The following NBPF9 variants were observed in gnomAD, a reference collection of about 807,000 sequenced individuals.
NBPF9 encodes NBPF member 9.
In NBPF9, 91 loss-of-function variants were observed where a neutral mutation model predicts 97.8. That is an observed-to-expected ratio of 0.93 (90% CI 0.79 to 1.11). NBPF9 has a LOEUF of 1.11. Among genes scored for constraint, NBPF9 ranks in the 50% least tolerant of loss-of-function variants. The pLI, the probability that NBPF9 is intolerant of heterozygous loss-of-function variation, is 0.00. For missense variants in NBPF9, 992 were observed against 939.5 expected (o/e 1.06, Z -0.73); for synonymous variants, 334 against 359.5 (o/e 0.93, Z 0.80).
At chr1:149,055,328 T>C (rs1424389248) in exon 30 of NBPF9, 1 of 502,284 alleles carries the variant, frequency 2.0e-6, no homozygotes, top group Non-Finnish European at 3.5e-6. Flanking sequence ...CTTGAGCAGG[T>C]ATAGAAGCTC....
chr1:149,082,985 A>G (rs1439504540), intron 5 of NBPF9, among the ~76,000 whole-genome samples: 9 of 62,124 alleles, frequency 1.4e-4, no homozygotes, highest in Non-Finnish European at 1.9e-4. Flanking sequence ...TTTTTTTTGT[A>G]TTTTTAGTAG....
At chr1:149,055,577 A>T (rs1553648560) in exon 30 of NBPF9, 2 of 1,554,950 alleles carry the variant, frequency 1.3e-6, no homozygotes, top group Non-Finnish European at 8.7e-7. Flanking sequence ...TCCAAATGGA[A>T]CTGTACTTTC....
chr1:149,079,881 A>T (rs1575851519), intron 8 of NBPF9, among the ~76,000 whole-genome samples, 172 bp downstream of exon 8: 1 of 152,302 alleles, frequency 6.6e-6, no homozygotes, highest in Non-Finnish European at 1.5e-5. Flanking sequence ...ACTGCAACAC[A>T]GAACTTATTA....
chr1:149,069,172 A>G (rs587753646), intron 17 of NBPF9, among the ~76,000 whole-genome samples: 1 of 150,730 alleles, frequency 6.6e-6, no homozygotes, highest in African/African-American at 2.4e-5. Context: ...AGAAAGCAGA[A>G]AAGATCTAAA....
rs587676107 is a variant in NBPF9, at chr1:149,062,107, G to T, written c.2237C>A (p.Ala746Asp). The T allele has an allele frequency of 1.8e-5, 21 of 1,196,914 alleles. 1 individual carries two copies. In the East Asian group the frequency reaches 4.2e-4, roughly 24 times the overall value. 74.1% of individuals were successfully genotyped at this position (1,196,914 alleles called of 1,614,324 possible). A position where few individuals can be genotyped will look rare whatever the true frequency, so the allele number is the denominator to read the frequency against. The change falls in exon 22 of 30, where the codon GCT becomes GAT. Residue 746 changes from alanine (A) to aspartate (D), a missense_variant. Ala to Asp is a moderately radical substitution (Grantham distance 126). This residue lies in a region of NBPF9 where 397 missense variants were observed against 213.6 expected (regional missense o/e 1.86). Coordinates refer to ENST00000584027, the Ensembl canonical transcript of NBPF9. The stretch of plus-strand genomic sequence containing the variant: ...AAGGTACTCACTGTCCAAGTCAAGA[G>T]CCAAGCCAAGGTACTGTTCCTCCAA...
chr1:149,073,772 G>C lies in NBPF9; in HGVS notation c.1087C>G (p.Leu363Val). The C allele has an allele frequency of 1.3e-6, 2 of 1,579,736 alleles. 1 individual carries two copies. The highest frequency in any genetic ancestry group is 1.7e-6 in the Non-Finnish European group (2 of 1,156,938). The change falls in exon 13 of 30, where the codon CTC (leucine) becomes GTC (valine). Residue 363 changes from leucine (L) to valine (V), a missense_variant. Physicochemically the swap from Leu to Val is conservative, Grantham distance 32. Coordinates refer to ENST00000584027, the Ensembl canonical transcript of NBPF9. ...GCCCCCATGGGGTCCCCTCACCTGA[G>C]CTCCTCAGCTTGCTTCAGCTGCTCT...
intron 5 of NBPF9, among the ~76,000 whole-genome samples, chr1:149,086,934 T>C (rs879048265): frequency 9.2e-5 from 14 of 152,248 alleles, no homozygotes; most frequent in Middle Eastern, 3.4e-3. Context: ...ATTTGTGTTA[T>C]GTTTAACCTT....
chr1:149,100,610 C>T (rs1232423410), intron 3 of NBPF9, among the ~76,000 whole-genome samples: 5 of 151,932 alleles, frequency 3.3e-5, no homozygotes, highest in Admixed American at 6.6e-5. Flanking sequence ...ATAAATGGTG[C>T]TGGATCAAGC....
At chr1:149,073,609 T>C (rs1380258826) in intron 13 of NBPF9, among the ~76,000 whole-genome samples, 159 bp downstream of exon 13, 1 of 150,482 alleles carries the variant, frequency 6.6e-6, no homozygotes, top group South Asian at 2.2e-4. Context: ...TTTATTATCC[T>C]TCTTCTCTGT....
chr1:149,085,163 GGACA>G (rs1202524963), intron 5 of NBPF9, among the ~76,000 whole-genome samples: 2 of 151,864 alleles, frequency 1.3e-5, no homozygotes, highest in Non-Finnish European at 2.9e-5. Flanking sequence ...AGGGATAGAT[GGACA>G]GACACCTTCC....
chr1:149,067,892 T>A (rs1457960068), intron 17 of NBPF9, among the ~76,000 whole-genome samples: 8 of 139,148 alleles, frequency 5.7e-5, no homozygotes, highest in Admixed American at 4.8e-4. Flanking sequence ...CCACACTGCC[T>A]TCCACAATCG....
chr1:149,084,308 TA>T (rs1295870654), intron 5 of NBPF9, among the ~76,000 whole-genome samples: 1 of 147,738 alleles, frequency 6.8e-6, no homozygotes, highest in African/African-American at 2.5e-5. Context: ...TGTATACACG[TA>T]TATATAATAT....
exon 3 of NBPF9, chr1:149,101,352 C>G (rs1188565621): frequency 4.3e-5 from 6 of 138,688 alleles, no homozygotes; most frequent in Non-Finnish European, 7.8e-5. Flanking sequence ...TGTGCCACTG[C>G]ACTCCAGCCT....
At chr1:149,055,667 A>G in exon 30 of NBPF9, 3 of 1,611,938 alleles carry the variant, frequency 1.9e-6, no homozygotes, top group Non-Finnish European at 2.5e-6. Context: ...TATTGTGGGA[A>G]TATGACTTCC....
chr1:149,055,378 T>A, exon 30 of NBPF9: 1 of 620,790 alleles, frequency 1.6e-6, no homozygotes, highest in Non-Finnish European at 2.7e-6. Context: ...AGGAATTTTG[T>A]AGCTACCCAG....
intron 5 of NBPF9, among the ~76,000 whole-genome samples, chr1:149,086,275 G>A (rs1307718791): frequency 6.7e-6 from 1 of 149,276 alleles, no homozygotes; most frequent in African/African-American, 2.5e-5. Context: ...TAAATATTAA[G>A]AGGAAAAAAA....
chr1:149,099,094 G>A (rs2081976223), intron 3 of NBPF9, among the ~76,000 whole-genome samples: 1 of 151,678 alleles, frequency 6.6e-6, no homozygotes, highest in Non-Finnish European at 1.5e-5. Context: ...TACTTGAGTA[G>A]CCAGGGAAGT....
chr1:149,061,042 A>C (rs1332305867), intron 23 of NBPF9: 56,662 of 418,332 alleles, frequency 0.14, 18,300 homozygotes, highest in East Asian at 0.57. Flanking sequence ...GGATCATGAA[A>C]AGACTGAGCT....
chr1:149,103,309 C>A (rs1384120674), exon 1 of NBPF9: 1 of 151,716 alleles, frequency 6.6e-6, no homozygotes. Flanking sequence ...ACCTCGGAAA[C>A]GCTGGGTGGA....
Sources: allele counts gnomAD v4.1 joint callset (sites outside exome capture counted in the v4.1 genomes callset), GRCh38; gene constraint gnomAD v4.1.1; regional missense constraint gnomAD v4.1.1; transcripts MANE v1.5; gene names NCBI Gene and HGNC (gene_info 2026-07-23, HGNC 2026-07-21).